The following THRB variants were observed in gnomAD, a reference collection of about 807,000 sequenced individuals.
THRB encodes the protein thyroid hormone receptor beta.
THRB carries 12 observed loss-of-function variants against 47.8 expected under a neutral mutation model. That is an observed-to-expected ratio of 0.25 (90% CI 0.16 to 0.41). THRB has a LOEUF of 0.41. THRB is among the 10% of genes least tolerant of loss of function. The probability of loss-of-function intolerance (pLI) is 1.00; values close to 1 mark genes in which losing one functional copy is unlikely to be tolerated. For missense variants in THRB, 348 were observed against 589.2 expected, an observed-to-expected ratio of 0.59 and a Z score of 4.24; for synonymous variants, 218 against 212.2, an observed-to-expected ratio of 1.03 and a Z score of -0.24.
intron 4 of THRB, among the ~76,000 whole-genome samples, chr3:24,218,340 CTCTTTT>C (rs1307781518): frequency 1.5e-4 from 18 of 117,288 alleles, no homozygotes; most frequent in Non-Finnish European, 2.1e-4. Flanking sequence ...CTCTCTCTCT[CTCTTTT>C]TTTTTTTTTT....
At chr3:24,222,936 G>A (rs1030225737) in intron 4 of THRB, among the ~76,000 whole-genome samples, 1 of 152,182 alleles carries the variant, frequency 6.6e-6, no homozygotes, top group Non-Finnish European at 1.5e-5. Flanking sequence ...AGGAATTCAG[G>A]AGAAATTGCA....
intron 1 of THRB, among the ~76,000 whole-genome samples, chr3:24,426,102 A>G (rs1017176706): frequency 6.6e-6 from 1 of 151,930 alleles, no homozygotes; most frequent in African/African-American, 2.4e-5. Flanking sequence ...CTATTTACCT[A>G]CCTATCTATC....
chr3:24,464,103 G>A (rs537594847), intron 1 of THRB, among the ~76,000 whole-genome samples: 6 of 152,122 alleles, frequency 3.9e-5, no homozygotes, highest in Admixed American at 1.3e-4. Flanking sequence ...AAAATTAGCC[G>A]GGCGAGGTGG....
At chr3:24,223,884 A>ATGTG (rs974991133) in intron 4 of THRB, among the ~76,000 whole-genome samples, 4 of 148,344 alleles carry the variant, frequency 2.7e-5, no homozygotes, top group Non-Finnish European at 6.0e-5. Flanking sequence ...TCACCAATCA[A>ATGTG]TGTGTGTGTG....
chr3:24,281,872 C>G (rs2054651744), intron 3 of THRB, among the ~76,000 whole-genome samples: 1 of 151,548 alleles, frequency 6.6e-6, no homozygotes, highest in African/African-American at 2.4e-5. Context: ...ATCAATTCAA[C>G]AAGAAGAGCT....
chr3:24,361,721 G>C (rs1346138570), intron 1 of THRB, among the ~76,000 whole-genome samples: 6 of 152,128 alleles, frequency 3.9e-5, no homozygotes, highest in Non-Finnish European at 7.4e-5. Flanking sequence ...GTATGGATTT[G>C]TTTGCCAGAG....
chr3:24,468,330 T>A (rs1340146996), intron 1 of THRB, among the ~76,000 whole-genome samples: 4 of 152,216 alleles, frequency 2.6e-5, no homozygotes, highest in Admixed American at 2.6e-4. Context: ...CATGTGTTCA[T>A]TAGAGTACCA....
intron 8 of THRB, among the ~76,000 whole-genome samples, chr3:24,134,557 C>A (rs552579627): frequency 6.6e-6 from 1 of 152,142 alleles, no homozygotes; most frequent in Admixed American, 6.5e-5. Context: ...GCCAGGCCTG[C>A]GATCTGGGTG....
At chr3:24,168,705 A>G (rs1038687442) in intron 5 of THRB, among the ~76,000 whole-genome samples, 16 of 151,406 alleles carry the variant, frequency 1.1e-4, no homozygotes, top group African/African-American at 3.9e-4. Flanking sequence ...CTTTTTCTTC[A>G]TTTGCAGCTT....
chr3:24,250,674 C>T (rs2050576052), intron 3 of THRB, among the ~76,000 whole-genome samples: 1 of 152,226 alleles, frequency 6.6e-6, no homozygotes, highest in East Asian at 1.9e-4. Flanking sequence ...GTACTCCAGC[C>T]TGGGCAACAG....
At chr3:24,458,608 G>T (rs1376245885) in intron 1 of THRB, 1 of 152,048 alleles carries the variant, frequency 6.6e-6, no homozygotes, top group East Asian at 1.9e-4. Flanking sequence ...TTTTATAAAT[G>T]GTAAAACTGA....
intron 5 of THRB, among the ~76,000 whole-genome samples, chr3:24,181,989 C>T (rs2041955233): frequency 6.6e-6 from 1 of 152,126 alleles, no homozygotes; most frequent in South Asian, 2.1e-4. Flanking sequence ...ATCACGAGTT[C>T]AGGAGATCGA....
chr3:24,142,672 A>C (rs1221659749), intron 8 of THRB, among the ~76,000 whole-genome samples: 2 of 152,240 alleles, frequency 1.3e-5, no homozygotes, highest in Non-Finnish European at 2.9e-5. Context: ...ATGGTCCAGC[A>C]CTAGTAGGGC....
chr3:24,277,700 C>G (rs2054078459), intron 3 of THRB, among the ~76,000 whole-genome samples: 1 of 152,182 alleles, frequency 6.6e-6, no homozygotes, highest in Non-Finnish European at 1.5e-5. Flanking sequence ...TCAGTGAGTT[C>G]TAGAAATATG....
chr3:24,167,994 T>A (rs1009907670), intron 5 of THRB, among the ~76,000 whole-genome samples: 36 of 152,272 alleles, frequency 2.4e-4, no homozygotes, highest in Non-Finnish European at 5.0e-4. Flanking sequence ...TTATTGAATT[T>A]AAAAAATCCT....
chr3:24,462,371 G>T (rs890075268), intron 1 of THRB, among the ~76,000 whole-genome samples: 4 of 152,228 alleles, frequency 2.6e-5, no homozygotes, highest in Non-Finnish European at 4.4e-5. Flanking sequence ...TTCTAGAATT[G>T]CATGTCTCTT....
intron 3 of THRB, among the ~76,000 whole-genome samples, chr3:24,244,180 C>A (rs921050696): frequency 6.6e-6 from 1 of 151,932 alleles, no homozygotes; most frequent in African/African-American, 2.4e-5. Context: ...GTGGTGACGG[C>A]AGTATATAAA....
chr3:24,413,031 A>G (rs925787551), intron 1 of THRB, among the ~76,000 whole-genome samples: 9 of 151,976 alleles, frequency 5.9e-5, no homozygotes, highest in African/African-American at 1.9e-4. Context: ...GCTTTCTTAC[A>G]TTATAGGTGG....
intron 1 of THRB, among the ~76,000 whole-genome samples, chr3:24,424,975 T>C (rs1432864874): frequency 1.3e-5 from 2 of 152,086 alleles, no homozygotes; most frequent in South Asian, 4.1e-4. Flanking sequence ...TTTGTACATA[T>C]CAACATATCA....
Sources: gnomAD v4.1 joint callset for allele counts (sites outside exome capture counted in the v4.1 genomes callset) on GRCh38, gnomAD v4.1.1 for gene constraint, MANE v1.5 for transcripts, NCBI Gene and HGNC (gene_info 2026-07-23, HGNC 2026-07-21) for gene names.